Variants in PDE4D observed in about 807,000 individuals in gnomAD.
PDE4D encodes the protein phosphodiesterase 4D, also known as 3',5'-cyclic-AMP phosphodiesterase 4D.
A neutral mutation model predicts 87.4 loss-of-function variants in PDE4D; 24 were observed. The observed-to-expected ratio is 0.27, with a 90% CI of 0.20 to 0.39. The LOEUF is 0.39. Ranked by LOEUF, PDE4D falls within the 10% of genes least tolerant of loss-of-function variation. The pLI is 1.00. For missense variants in PDE4D, 714 were observed against 1,041.0 expected, an observed-to-expected ratio of 0.69 and a Z score of 4.32; for synonymous variants, 384 against 383.2, an observed-to-expected ratio of 1.00 and a Z score of -0.02.
intron 1 of PDE4D, among the ~76,000 whole-genome samples, chr5:59,432,489 C>A (rs1214510456): frequency 6.6e-6 from 1 of 152,062 alleles, no homozygotes; most frequent in African/African-American, 2.4e-5. Flanking sequence ...GGATTGCTAG[C>A]TTACAAATTG....
chr5:59,071,060 C>T (rs1251265828), intron 5 of PDE4D, among the ~76,000 whole-genome samples: 1 of 152,168 alleles, frequency 6.6e-6, no homozygotes, highest in Non-Finnish European at 1.5e-5. Flanking sequence ...TTATTCCATG[C>T]TCACTCTTGA....
intron 5 of PDE4D, among the ~76,000 whole-genome samples, chr5:59,136,682 A>G (rs1320575364): frequency 6.6e-6 from 1 of 152,200 alleles, no homozygotes; most frequent in Non-Finnish European, 1.5e-5. Flanking sequence ...GCAAGAAACT[A>G]TTAACACTTT....
chr5:60,453,020 G>A (rs950883002), intron 1 of PDE4D, among the ~76,000 whole-genome samples: 2 of 151,886 alleles, frequency 1.3e-5, no homozygotes, highest in African/African-American at 4.8e-5. Context: ...TTACCTTTAG[G>A]ATTAAAAATC....
chr5:60,471,928 G>A (rs1395570118), intron 1 of PDE4D, among the ~76,000 whole-genome samples: 2 of 152,026 alleles, frequency 1.3e-5, no homozygotes, highest in Non-Finnish European at 2.9e-5. Flanking sequence ...CATTACTATG[G>A]CCTATTAGGT....
chr5:60,333,821 A>G (rs1169143847), intron 1 of PDE4D, among the ~76,000 whole-genome samples: 1 of 152,160 alleles, frequency 6.6e-6, no homozygotes, highest in East Asian at 1.9e-4. Flanking sequence ...AGCAAACTTC[A>G]GGTTTTTTTT....
chr5:59,983,625 C>T (rs538797772), intron 3 of PDE4D, among the ~76,000 whole-genome samples: 60 of 152,170 alleles, frequency 3.9e-4, no homozygotes, highest in African/African-American at 1.3e-3. Context: ...TCCTACTCAT[C>T]GGGGAAATGT....
chr5:59,941,941 A>G (rs933699104), intron 3 of PDE4D, among the ~76,000 whole-genome samples: 4 of 152,146 alleles, frequency 2.6e-5, no homozygotes, highest in Non-Finnish European at 4.4e-5. Context: ...AGCCTTAGCA[A>G]TGGGTAACTA....
chr5:59,500,666 G>A (rs1483762007), intron 1 of PDE4D, among the ~76,000 whole-genome samples: 5 of 152,122 alleles, frequency 3.3e-5, no homozygotes, highest in African/African-American at 7.2e-5. Flanking sequence ...ATGTCACTAC[G>A]TGGGCAGTGG....
chr5:59,733,955 G>T (rs1757733570), intron 1 of PDE4D, among the ~76,000 whole-genome samples: 2 of 152,060 alleles, frequency 1.3e-5, no homozygotes, highest in South Asian at 2.1e-4. Flanking sequence ...GATTAAATCT[G>T]CATTAATCTA....
intron 1 of PDE4D, among the ~76,000 whole-genome samples, chr5:60,293,182 A>G (rs894504096): frequency 2.0e-5 from 3 of 152,030 alleles, no homozygotes; most frequent in Non-Finnish European, 4.4e-5. Flanking sequence ...CCCCTGTTGA[A>G]GAGTCATTAG....
intron 2 of PDE4D, among the ~76,000 whole-genome samples, chr5:60,039,856 G>A (rs558663607): frequency 1.2e-4 from 18 of 152,156 alleles, no homozygotes; most frequent in Admixed American, 3.9e-4. Context: ...TTTCTCTTTT[G>A]AAGAGCAAAA....
intron 1 of PDE4D, among the ~76,000 whole-genome samples, chr5:60,355,222 G>A (rs1389561298): frequency 1.5e-4 from 23 of 152,172 alleles, no homozygotes; most frequent in Admixed American, 1.5e-3. Context: ...ACCTAAGGAA[G>A]GTCACTGTGA....
chr5:60,311,314 G>A (rs919083946), intron 1 of PDE4D, among the ~76,000 whole-genome samples: 12 of 152,172 alleles, frequency 7.9e-5, no homozygotes, highest in African/African-American at 1.7e-4. Flanking sequence ...GAGCCACCGC[G>A]CCCGGCTGGC....
intron 1 of PDE4D, among the ~76,000 whole-genome samples, chr5:59,799,471 G>A (rs1453743800): frequency 6.6e-6 from 1 of 152,186 alleles, no homozygotes; most frequent in Non-Finnish European, 1.5e-5. Flanking sequence ...TAAAGAATGA[G>A]AACCTGAAAT....
intron 5 of PDE4D, among the ~76,000 whole-genome samples, chr5:59,052,582 A>G (rs548812491): frequency 1.3e-5 from 2 of 152,172 alleles, no homozygotes; most frequent in Non-Finnish European, 2.9e-5. Flanking sequence ...GGAGGTATCC[A>G]CTTTAGTGGT....
intron 1 of PDE4D, chr5:60,185,712 T>G: frequency 1.6e-6 from 1 of 638,708 alleles, no homozygotes; most frequent in Admixed American, 2.5e-5. Context: ...AAGGAAATGT[T>G]TAATCAAGTT....
chr5:59,492,603 A>G (rs912207569), intron 1 of PDE4D, among the ~76,000 whole-genome samples: 1 of 152,212 alleles, frequency 6.6e-6, no homozygotes, highest in African/African-American at 2.4e-5. Flanking sequence ...ACTGCCCTCA[A>G]CTGAATTTCT....
chr5:60,225,293 G>A lies in PDE4D; in HGVS notation c.-89-39606C>T, dbSNP rs549777148. Among the ~76,000 whole-genome samples the A allele has an allele frequency of 5.9e-5, 9 of 151,848 alleles. No individual in the cohort carries two copies. The South Asian group carries it at 6.2e-4, about 11-fold the overall frequency. ...CTGAATGAATTTTCTTACTTGCCTCGTATTTATACCAGGGCTTTAGAATTT... is the reference window on the plus strand; with the variant it reads ...CTGAATGAATTTTCTTACTTGCCTCATATTTATACCAGGGCTTTAGAATTT... On this transcript the variant is annotated intron_variant, in intron 1 of 16. Coordinates refer to the PDE4D transcript ENST00000502484.
chr5:60,056,240 T>C (rs1770764686), intron 2 of PDE4D, among the ~76,000 whole-genome samples: 1 of 152,048 alleles, frequency 6.6e-6, no homozygotes, highest in African/African-American at 2.4e-5. Context: ...CTATTTCAGT[T>C]CATAATACAG....
Sources: allele counts gnomAD v4.1 joint callset (sites outside exome capture counted in the v4.1 genomes callset), GRCh38; gene constraint gnomAD v4.1.1; transcripts MANE v1.5; gene names NCBI Gene and HGNC (gene_info 2026-07-23, HGNC 2026-07-21).